TFEC: variants seen among roughly 807,000 people sequenced by gnomAD.
TFEC encodes the protein class E basic helix-loop-helix protein 34.
In TFEC, 31 loss-of-function variants were observed where a neutral mutation model predicts 41.6. The ratio of observed to expected loss-of-function variants is 0.74; its 90% confidence interval spans 0.56 to 1.01. TFEC has a LOEUF of 1.01. TFEC is among the 50% of genes least tolerant of loss of function. TFEC has a pLI of 0.00. For missense variants in TFEC, 402 were observed against 404.1 expected (o/e 0.99, Z 0.04); for synonymous variants, 143 against 140.6 (o/e 1.02, Z -0.12).
At chr7:116,020,773 T>A (rs1254394738) in intron 1 of TFEC, among the ~76,000 whole-genome samples, 1 of 152,158 alleles carries the variant, frequency 6.6e-6, no homozygotes, top group Non-Finnish European at 1.5e-5. Context: ...CCATTGGATT[T>A]TTTTTTTTAA....
At chr7:116,131,597 A>C (rs969033604) in intron 1 of TFEC, among the ~76,000 whole-genome samples, 1 of 152,214 alleles carries the variant, frequency 6.6e-6, no homozygotes, top group African/African-American at 2.4e-5. Context: ...GAGTCCTCAA[A>C]AATAAATAAG....
chr7:115,952,792 T>TTAG (rs2130374433), intron 5 of TFEC, among the ~76,000 whole-genome samples: 1 of 152,218 alleles, frequency 6.6e-6, no homozygotes, highest in African/African-American at 2.4e-5. Flanking sequence ...AATCCTGTAC[T>TTAG]TAGATCCAGG....
At chr7:115,991,555 A>G (rs2130720864) in intron 1 of TFEC, among the ~76,000 whole-genome samples, 1 of 152,320 alleles carries the variant, frequency 6.6e-6, no homozygotes, top group South Asian at 2.1e-4. Context: ...TGGAAAACAA[A>G]AAAAAGGAGG....
At chr7:116,114,902 A>AC (rs1220294097) in intron 1 of TFEC, among the ~76,000 whole-genome samples, 1 of 149,302 alleles carries the variant, frequency 6.7e-6, no homozygotes, top group African/African-American at 2.4e-5. Context: ...CCTCCCCGCC[A>AC]CCCCCCAGTA....
intron 3 of TFEC, among the ~76,000 whole-genome samples, chr7:116,095,012 T>C (rs947891497): frequency 3.3e-5 from 5 of 152,238 alleles, no homozygotes; most frequent in African/African-American, 1.2e-4. Context: ...CTGCTACTTA[T>C]AGATACTAAT....
At chr7:116,021,777 A>G (rs1795404812) in intron 1 of TFEC, among the ~76,000 whole-genome samples, 1 of 152,170 alleles carries the variant, frequency 6.6e-6, no homozygotes, top group Admixed American at 6.5e-5. Flanking sequence ...TTTTTGACTG[A>G]CTTGAGCAGT....
At chr7:115,971,409 T>C (rs1422549263) in intron 3 of TFEC, among the ~76,000 whole-genome samples, 1 of 151,948 alleles carries the variant, frequency 6.6e-6, no homozygotes, top group Non-Finnish European at 1.5e-5. Flanking sequence ...GCAAAATAAT[T>C]CTCCAGGGGC....
At chr7:116,034,703 C>T (rs1426718652), upstream of TFEC, among the ~76,000 whole-genome samples, 3 of 151,348 alleles carry the variant, frequency 2.0e-5, no homozygotes, top group Admixed American at 1.3e-4. Flanking sequence ...CACACACACA[C>T]ACACACACAC....
At chr7:115,963,774 G>C (rs1280596940) in intron 3 of TFEC, among the ~76,000 whole-genome samples, 1 of 151,696 alleles carries the variant, frequency 6.6e-6, no homozygotes, top group Admixed American at 6.6e-5. Flanking sequence ...GAGATAAGGG[G>C]AGCTATTGTT....
intron 3 of TFEC, among the ~76,000 whole-genome samples, chr7:115,971,176 G>C (rs1299013338): frequency 6.6e-6 from 1 of 151,944 alleles, no homozygotes; most frequent in Non-Finnish European, 1.5e-5. Context: ...ACAGCTCTAG[G>C]GTAGGCCCAA....
At chr7:116,123,993 A>T (rs1798160706) in intron 1 of TFEC, among the ~76,000 whole-genome samples, 1 of 152,174 alleles carries the variant, frequency 6.6e-6, no homozygotes, top group Admixed American at 6.6e-5. Flanking sequence ...CAATTAAAGG[A>T]CTTTTAGTTG....
intron 3 of TFEC, among the ~76,000 whole-genome samples, chr7:115,963,931 T>C (rs1362994483): frequency 1.3e-5 from 2 of 151,656 alleles, no homozygotes; most frequent in Middle Eastern, 6.3e-3. Flanking sequence ...ACTTATATTT[T>C]ACCCCAATAT....
intron 1 of TFEC, among the ~76,000 whole-genome samples, chr7:116,115,360 C>T (rs1262253998): frequency 5.3e-5 from 8 of 151,978 alleles, no homozygotes; most frequent in Non-Finnish European, 1.2e-4. Context: ...AGTAGTTTCC[C>T]TAACCTAAAG....
chr7:115,968,355 T>C, intron 3 of TFEC: 2 of 1,398,428 alleles, frequency 1.4e-6, no homozygotes, highest in African/African-American at 1.4e-5. Flanking sequence ...TAATCTTGTC[T>C]AGATTGTGAT....
intron 5 of TFEC, among the ~76,000 whole-genome samples, chr7:115,954,377 G>A (rs1792104226): frequency 6.6e-6 from 1 of 152,020 alleles, no homozygotes; most frequent in Admixed American, 6.6e-5. Context: ...TGATCAAGGA[G>A]GGAATTCGAG....
In TFEC at chr7:115,954,648, C is replaced by A; in HGVS notation, c.383-6G>T. 6.2e-7 allele frequency: 1 copy of A among 1,609,208 alleles called. No individual in the cohort carries two copies. Among genetic ancestry groups the A allele is most frequent in the South Asian group, 1.1e-5 (1 of 90,404 alleles). ...TAAAGCTCTAGTGTCAGTTTCTGAT[C>A]AAAAGAAAAATAATAAAAACCATGC... On this transcript the variant is annotated splice_region_variant and splice_polypyrimidine_tract_variant and intron_variant, in intron 4 of 7. Coordinates refer to ENST00000265440, the MANE Select transcript of TFEC (RefSeq NM_012252.4).
At chr7:116,069,813 T>C (rs1484804749) in intron 3 of TFEC, among the ~76,000 whole-genome samples, 1 of 151,624 alleles carries the variant, frequency 6.6e-6, no homozygotes, top group African/African-American at 2.4e-5. Flanking sequence ...ATCTTTCTAC[T>C]GATTAATTTT....
At chr7:115,955,693 T>C (rs1021053659) in intron 4 of TFEC, among the ~76,000 whole-genome samples, 5 of 152,066 alleles carry the variant, frequency 3.3e-5, no homozygotes, top group African/African-American at 1.2e-4. Flanking sequence ...TGTTTATTAC[T>C]TCAAGTTGCT....
At chr7:116,156,836 T>A (rs1043616511) in intron 1 of TFEC, among the ~76,000 whole-genome samples, 13 of 152,228 alleles carry the variant, frequency 8.5e-5, no homozygotes, top group African/African-American at 2.9e-4. Flanking sequence ...TTGGACTAAA[T>A]GGCCATTAAC....
Sources: allele counts gnomAD v4.1 joint callset (sites outside exome capture counted in the v4.1 genomes callset), GRCh38; gene constraint gnomAD v4.1.1; transcripts MANE v1.5; gene names NCBI Gene and HGNC (gene_info 2026-07-23, HGNC 2026-07-21).